PACSIN1: variants seen among roughly 807,000 people sequenced by gnomAD.
The protein encoded by PACSIN1 is protein kinase C and casein kinase substrate in neurons 1, also known as protein kinase C and casein kinase substrate in neurons protein 1.
PACSIN1 carries 15 observed loss-of-function variants against 59.5 expected under a neutral mutation model. The ratio of observed to expected loss-of-function variants is 0.25; its 90% CI spans 0.17 to 0.39. The LOEUF is 0.39. Among genes scored for constraint, PACSIN1 ranks in the 10% least tolerant of loss-of-function variants. PACSIN1 has a pLI of 1.00. For missense variants in PACSIN1, 420 were observed against 580.2 expected, an observed-to-expected ratio of 0.72 and a Z score of 2.84; for synonymous variants, 210 against 220.6, an observed-to-expected ratio of 0.95 and a Z score of 0.42.
Position 34,530,178 on chromosome 6 carries a change from A to G in PACSIN1, c.789-65A>G. On this transcript the variant is annotated intron_variant, in intron 6 of 9. Transcript: ENST00000244458. The surrounding 1 kb of genome is among the most constrained non-coding windows in gnomAD (Gnocchi z 4.4). ...TTCCCTGAGTGGACTCTGGCCTCTC[A>G]CCAAGGTTGAGGAGGGGCCATGTTG... 1 of 1,540,656 alleles carries G rather than the reference A, an allele frequency of 6.5e-7. No homozygotes were observed. The highest frequency in any genetic ancestry group is 1.4e-5 in the African/African-American group (1 of 73,418).
intron 1 of PACSIN1, among the ~76,000 whole-genome samples, chr6:34,498,954 TG>T (rs1766986218): frequency 6.6e-6 from 1 of 151,830 alleles, no homozygotes. Flanking sequence ...AGACTGGGGT[TG>T]GGGGGTGGTT....
At chr6:34,484,132 C>G (rs1766759855) in intron 1 of PACSIN1, among the ~76,000 whole-genome samples, 1 of 152,122 alleles carries the variant, frequency 6.6e-6, no homozygotes, top group African/African-American at 2.4e-5. Flanking sequence ...CTCATCAGGG[C>G]CTTTAACATG....
intron 1 of PACSIN1, among the ~76,000 whole-genome samples, chr6:34,484,635 A>T (rs370274362): frequency 1.3e-5 from 2 of 152,172 alleles, no homozygotes; most frequent in East Asian, 3.8e-4. Context: ...GTGTAGGTTC[A>T]TCAGTGCTAA....
At chr6:34,480,307 C>T (rs1433060035) in intron 1 of PACSIN1, among the ~76,000 whole-genome samples, 1 of 151,276 alleles carries the variant, frequency 6.6e-6, no homozygotes, top group East Asian at 1.9e-4. Context: ...TCAGTGTAAC[C>T]TCTGCCTCCC....
chr6:34,480,484 C>T (rs1766701592), intron 1 of PACSIN1, among the ~76,000 whole-genome samples: 1 of 151,952 alleles, frequency 6.6e-6, no homozygotes, highest in African/African-American at 2.4e-5. Context: ...CCTCGGCCTC[C>T]CAAAGTGCTG....
intron 1 of PACSIN1, among the ~76,000 whole-genome samples, chr6:34,481,678 A>G (rs1766722170): frequency 6.6e-6 from 1 of 152,042 alleles, no homozygotes; most frequent in Non-Finnish European, 1.5e-5. Flanking sequence ...TAAAAAAAAA[A>G]AAAAGAAAAA....
At chr6:34,480,519 C>T (rs1445334685) in intron 1 of PACSIN1, among the ~76,000 whole-genome samples, 1 of 152,140 alleles carries the variant, frequency 6.6e-6, no homozygotes, top group Non-Finnish European at 1.5e-5. Context: ...AGCCACTGTA[C>T]CTGACTCATT....
At chr6:34,486,604 G>A (rs1766797776) in intron 1 of PACSIN1, among the ~76,000 whole-genome samples, 1 of 152,084 alleles carries the variant, frequency 6.6e-6, no homozygotes, top group Non-Finnish European at 1.5e-5. Flanking sequence ...TGCCATCGCT[G>A]GTCCTCTTCC....
chr6:34,498,040 G>GT (rs1766972465), intron 1 of PACSIN1, among the ~76,000 whole-genome samples: 2 of 151,306 alleles, frequency 1.3e-5, no homozygotes, highest in Non-Finnish European at 3.0e-5. Context: ...TCCTTTGCCT[G>GT]TTTTTTGTTT....
At chr6:34,495,502 A>C (rs1225330004) in intron 1 of PACSIN1, among the ~76,000 whole-genome samples, 1 of 151,782 alleles carries the variant, frequency 6.6e-6, no homozygotes, top group African/African-American at 2.4e-5. Context: ...ACCCAGGCTA[A>C]AGTGCAGTGG....
chr6:34,495,513 C>G (rs775663616), intron 1 of PACSIN1, among the ~76,000 whole-genome samples: 1 of 151,294 alleles, frequency 6.6e-6, no homozygotes, highest in Non-Finnish European at 1.5e-5. Context: ...AGTGCAGTGG[C>G]ACTATCTTGG....
At chr6:34,510,798 C>T (rs1057275658) in intron 1 of PACSIN1, among the ~76,000 whole-genome samples, 1 of 152,194 alleles carries the variant, frequency 6.6e-6, no homozygotes, top group African/African-American at 2.4e-5. Flanking sequence ...CTGCAACCTC[C>T]GCCTCCTGGG....
chr6:34,506,592 C>T (rs1767119715), intron 1 of PACSIN1, among the ~76,000 whole-genome samples: 1 of 152,196 alleles, frequency 6.6e-6, no homozygotes, highest in Non-Finnish European at 1.5e-5. Flanking sequence ...AAATCTGTTT[C>T]AGCAGGCCTC....
chr6:34,498,338 G>A (rs1183273459), intron 1 of PACSIN1, among the ~76,000 whole-genome samples: 8 of 152,146 alleles, frequency 5.3e-5, no homozygotes, highest in African/African-American at 1.9e-4. Flanking sequence ...AGGATTACAG[G>A]CACGAGCCAC....
intron 1 of PACSIN1, among the ~76,000 whole-genome samples, chr6:34,507,802 T>C (rs1324618702): frequency 6.6e-6 from 1 of 152,250 alleles, no homozygotes; most frequent in East Asian, 1.9e-4. Flanking sequence ...AATAATGCAG[T>C]ATTTGTCCTT....
At chr6:34,481,238 T>A (rs1433795757) in intron 1 of PACSIN1, among the ~76,000 whole-genome samples, 1 of 151,960 alleles carries the variant, frequency 6.6e-6, no homozygotes, top group African/African-American at 2.4e-5. Context: ...TATCTTTAGA[T>A]GGGATTTCAC....
intron 1 of PACSIN1, among the ~76,000 whole-genome samples, chr6:34,492,409 G>C (rs1766891423): frequency 6.7e-6 from 1 of 150,374 alleles, no homozygotes; most frequent in African/African-American, 2.5e-5. Context: ...TTGAGACAGA[G>C]TTTCGCTCTT....
At chr6:34,475,051 T>C (rs1356710535) in intron 1 of PACSIN1, among the ~76,000 whole-genome samples, 1 of 152,156 alleles carries the variant, frequency 6.6e-6, no homozygotes, top group Non-Finnish European at 1.5e-5. Context: ...CCAGACCACC[T>C]TATCAAAAAC....
At position 34,532,733 on chromosome 6, in the gene PACSIN1, G is replaced by A. The variant is rs1393295064; in HGVS notation, c.*203G>A. 8.8e-6 allele frequency: 5 copies of A among 567,166 alleles called. No individual in the cohort carries two copies. Among genetic ancestry groups the A allele is most frequent in the East Asian group, 3.0e-5 (1 of 32,940 alleles). 35.1% of individuals were successfully genotyped at this position (567,166 alleles called of 1,614,324 possible). On this transcript the variant is annotated 3_prime_UTR_variant, in exon 10 of 10. Coordinates refer to ENST00000244458, the MANE Select transcript of PACSIN1 (RefSeq NM_020804.5). The surrounding 1 kb of genome is among the most constrained non-coding windows in gnomAD (Gnocchi z 5.2). ...CCTGGAGGCTGGGGTGCTGGGGCTTGGGGTGGCCCCAGGGTAGGTAACAGT... is the reference window on the plus strand; with the variant it reads ...CCTGGAGGCTGGGGTGCTGGGGCTTAGGGTGGCCCCAGGGTAGGTAACAGT...
Sources: allele counts gnomAD v4.1 joint callset (sites outside exome capture counted in the v4.1 genomes callset), GRCh38; gene constraint gnomAD v4.1.1; non-coding constraint Gnocchi (gnomAD v3.1); transcripts MANE v1.5; gene names NCBI Gene and HGNC (gene_info 2026-07-23, HGNC 2026-07-21).